Variants in EML6 observed in about 807,000 individuals in gnomAD.
EML6 encodes the protein EMAP like 6.
Under a neutral mutation model 240.1 loss-of-function variants are expected in EML6, and 154 were observed. The observed-to-expected ratio is 0.64, with a 90% CI of 0.56 to 0.73. The LOEUF (loss-of-function observed/expected upper bound fraction) is 0.73. Ranked by LOEUF, EML6 falls within the 30% of genes least tolerant of loss-of-function variation. The pLI is 0.00. For missense variants in EML6, 2,964 were observed against 2,474.6 expected (o/e 1.20, Z -4.20); for synonymous variants, 1,148 against 899.0 (o/e 1.28, Z -4.95).
intron 2 of EML6, among the ~76,000 whole-genome samples, chr2:54,755,221 G>A (rs1684346932): frequency 6.6e-6 from 1 of 152,286 alleles, no homozygotes; most frequent in East Asian, 1.9e-4. Flanking sequence ...ATTCCATTCT[G>A]ATCCATTAGT....
At chr2:54,928,272 A>G (rs911180496) in intron 26 of EML6, 41 bp from the exon 27 acceptor site, 11 of 1,450,670 alleles carry the variant, frequency 7.6e-6, no homozygotes, top group East Asian at 4.9e-5. Context: ...AGAGAAAGGA[A>G]TAACAGTGGC....
At chr2:54,943,472 A>G (rs929460764) in intron 28 of EML6, among the ~76,000 whole-genome samples, 1 of 152,078 alleles carries the variant, frequency 6.6e-6, no homozygotes, top group African/African-American at 2.4e-5. Context: ...AATCTTATAA[A>G]CTTACACATT....
chr2:54,807,383 T>A (rs936805440), intron 2 of EML6, among the ~76,000 whole-genome samples: 4 of 152,244 alleles, frequency 2.6e-5, no homozygotes, highest in African/African-American at 9.6e-5. Flanking sequence ...GTTTTCTCAA[T>A]TTTATATATT....
At chr2:54,830,633 T>C (rs1197623035) in intron 7 of EML6, among the ~76,000 whole-genome samples, 2 of 152,148 alleles carry the variant, frequency 1.3e-5, no homozygotes, top group Non-Finnish European at 2.9e-5. Flanking sequence ...TCTGCCGGCC[T>C]TAGGTAGATT....
At chr2:54,820,513 G>C in intron 5 of EML6, 51 bp downstream of exon 5, 1 of 1,118,240 alleles carries the variant, frequency 8.9e-7, no homozygotes, top group Non-Finnish European at 1.3e-6. Context: ...AATAATTTTA[G>C]GTGTTTGTAT....
chr2:54,931,989 A>G (rs1354347342), intron 28 of EML6, among the ~76,000 whole-genome samples: 10 of 152,216 alleles, frequency 6.6e-5, no homozygotes, highest in Admixed American at 6.5e-4. Context: ...GATTGTTTCT[A>G]ATTAGACTCA....
At chr2:54,741,089 C>A (rs78992942) in intron 2 of EML6, among the ~76,000 whole-genome samples, 2,897 of 152,190 alleles carry the variant, frequency 0.019, 85 homozygotes, top group African/African-American at 0.063. Flanking sequence ...GCCACACGAT[C>A]ACAGCGATCC....
At position 54,774,709 on chromosome 2, in the gene EML6, C is replaced by T. The variant is rs909214282; in HGVS notation, c.198-38523C>T. 1.3e-5 allele frequency among the ~76,000 whole-genome samples: 2 copies of T among 152,138 alleles called. No homozygotes were observed. Among genetic ancestry groups the T allele is most frequent in the African/African-American group, 4.8e-5 (2 of 41,420 alleles). Reference sequence around the variant, plus strand: ...TATTTTTACAAGATGTTTTTCTCCCCGAGGATCTTGTGGGACTAAAAGAGT... The same window carrying T: ...TATTTTTACAAGATGTTTTTCTCCCTGAGGATCTTGTGGGACTAAAAGAGT... On this transcript the variant is annotated intron_variant, in intron 2 of 41. Transcript: ENST00000356458. This position sits in a 1 kb window ranked among gnomAD's most constrained non-coding sequence, Gnocchi z 4.1.
chr2:54,962,708 C>G lies in EML6; in HGVS notation c.5154C>G (p.Asp1718Glu), dbSNP rs1211620935. 2.0e-6 allele frequency: 3 copies of G among 1,480,398 alleles called. No homozygotes were observed. In the East Asian group the frequency reaches 7.9e-5, roughly 39 times the overall value. The allele number at this position is 1,480,398 out of a possible 1,614,324, so 91.7% of individuals were successfully genotyped here. ...CAGCCCGGATCTGGGACCTGGCTGA[C>G]AAGGTGAGGCCGACTCTGCCCAAAC... The part of the protein sequence containing the change: ...DGTARIWDLA[D>E]KKLLNKVSLG... Residue 1718 changes from aspartate (D) to glutamate (E), a missense_variant, in exon 36 of 42, where the codon GAC becomes GAG. By Grantham distance (45) the Asp-to-Glu change is conservative. Transcript: ENST00000356458.
rs1404512192 is a variant in EML6, at chr2:54,853,969, A to C, written c.1657+114A>C. ...CAATGCACTGTTTATTTTATCTTGT[A>C]TATTCTTATTTACTTTTCAACAATT... On this transcript the variant is annotated intron_variant, in intron 11 of 41. Transcript: ENST00000356458. 4 of 552,260 alleles carry C rather than the reference A, an allele frequency of 7.2e-6. No individual in the cohort carries two copies. The Admixed American group carries it at 1.2e-4, about 16-fold the overall frequency. 34.2% of individuals were successfully genotyped at this position (552,260 alleles called of 1,614,324 possible).
intron 17 of EML6, among the ~76,000 whole-genome samples, chr2:54,883,397 A>G (rs1276243410): frequency 6.6e-6 from 1 of 152,168 alleles, no homozygotes; most frequent in East Asian, 1.9e-4. Context: ...TATGTATCAA[A>G]CATTCATCAG....
At chr2:54,802,665 A>ACTACTG (rs1317320848) in intron 2 of EML6, among the ~76,000 whole-genome samples, 4 of 147,698 alleles carry the variant, frequency 2.7e-5, no homozygotes, top group Non-Finnish European at 6.0e-5. Flanking sequence ...TACTACTACT[A>ACTACTG]CTGCTACTAC....
At chr2:54,798,705 A>G (rs575001550) in intron 2 of EML6, among the ~76,000 whole-genome samples, 7 of 152,268 alleles carry the variant, frequency 4.6e-5, no homozygotes, top group African/African-American at 7.2e-5. Context: ...GTAACTGTAG[A>G]TTAATTAGGA....
At chr2:54,843,229 C>CCAGCCTGGG (rs1470785609) in intron 7 of EML6, among the ~76,000 whole-genome samples, 2 of 152,116 alleles carry the variant, frequency 1.3e-5, no homozygotes, top group Non-Finnish European at 2.9e-5. Flanking sequence ...CTGTTTAAGA[C>CCAGCCTGGG]CAGCCTGGGC....
intron 16 of EML6, among the ~76,000 whole-genome samples, chr2:54,871,857 C>G (rs930268152): frequency 1.3e-5 from 2 of 152,214 alleles, no homozygotes; most frequent in African/African-American, 4.8e-5. Flanking sequence ...TCCTCATTTT[C>G]TGTCTCCTAA....
chr2:54,931,173 G>T (rs1674841600), intron 28 of EML6, among the ~76,000 whole-genome samples: 1 of 151,948 alleles, frequency 6.6e-6, no homozygotes, highest in South Asian at 2.1e-4. Flanking sequence ...TAGCCAGGAT[G>T]GTCTCGATCT....
chr2:54,825,482 C>G (rs963548743), intron 5 of EML6, among the ~76,000 whole-genome samples: 7 of 152,130 alleles, frequency 4.6e-5, no homozygotes, highest in African/African-American at 1.7e-4. Flanking sequence ...AGGATGGTCT[C>G]TAACTCCTGG....
In EML6 at chr2:54,850,173, C is replaced by A. The variant is rs1472028462; in HGVS notation, c.1399C>A (p.Gln467Lys). ...CTGGTCCTTGGATAGTAAATACTTA[C>A]AAACTAATGACGGTGCAGGAGAACG... ...IDWSLDSKYL[Q>K]TNDGAGERLF... is the part of the protein sequence containing the mutation. The change falls in exon 10 of 42, where the codon CAA becomes AAA. Residue 467 changes from glutamine (Q) to lysine (K), a missense_variant. Coordinates refer to ENST00000356458, the MANE Select transcript of EML6 (RefSeq NM_001039753.4). 8 of 1,551,484 alleles carry A rather than the reference C, an allele frequency of 5.2e-6. No homozygotes were observed. In the Admixed American group the frequency reaches 9.8e-5, roughly 19 times the overall value.
intron 2 of EML6, among the ~76,000 whole-genome samples, chr2:54,785,058 A>G (rs1320626123): frequency 1.3e-5 from 2 of 152,008 alleles, no homozygotes; most frequent in Middle Eastern, 3.2e-3. Flanking sequence ...CTAGATCACT[A>G]GTGGCACTTC....
Sources: gnomAD v4.1 joint callset for allele counts (sites outside exome capture counted in the v4.1 genomes callset) on GRCh38, gnomAD v4.1.1 for gene constraint, Gnocchi (gnomAD v3.1) non-coding constraint, MANE v1.5 for transcripts, NCBI Gene and HGNC (gene_info 2026-07-23, HGNC 2026-07-21) for gene names.